The following NME9 variants were observed in gnomAD, a reference collection of about 807,000 sequenced individuals.
NME9 encodes thioredoxin domain-containing protein 6.
A neutral mutation model predicts 44.4 loss-of-function variants in NME9; 48 were observed. The ratio of observed to expected loss-of-function variants is 1.08; its 90% CI spans 0.86 to 1.37. The LOEUF (loss-of-function observed/expected upper bound fraction) is 1.37. Among genes scored for constraint, NME9 ranks in the 40% most tolerant of loss-of-function variants. The pLI, the probability that NME9 is intolerant of heterozygous loss-of-function variation, is 0.00. For synonymous variants in NME9, 139 were observed against 147.1 expected (o/e 0.94, Z 0.40); for missense variants, 325 against 405.2 (o/e 0.80, Z 1.70).
Position 138,315,622 on chromosome 3 carries a change from C to G in NME9, c.289G>C (p.Val97Leu), listed in dbSNP as rs2053020154. ...FYAGGELVAV[V>L]RGANAPLLQK... Reference sequence around the variant, plus strand: ...AGCAGTGGGGCATTTGCTCCTCTAACCACAGCCACCAGTTCTCCTCCCTAG... The same window carrying G: ...AGCAGTGGGGCATTTGCTCCTCTAAGCACAGCCACCAGTTCTCCTCCCTAG... Residue 97 changes from valine (V) to leucine (L), a missense_variant, in exon 5 of 11, where the codon GTT becomes CTT. Val to Leu is a conservative substitution (Grantham distance 32). Coordinates refer to ENST00000333911, the MANE Select transcript of NME9 (RefSeq NM_001349018.2). 1 of 1,536,472 alleles carries G rather than the reference C, an allele frequency of 6.5e-7. No individual in the cohort carries two copies. The highest frequency in any genetic ancestry group is 8.7e-7 in the Non-Finnish European group (1 of 1,146,788).
intron 6 of NME9, among the ~76,000 whole-genome samples, chr3:138,309,457 A>G (rs963559025): frequency 6.6e-6 from 1 of 151,788 alleles, no homozygotes; most frequent in African/African-American, 2.4e-5. Context: ...GGCCAAGGCA[A>G]GTGGATCACT....
At chr3:138,296,075 A>G, downstream of NME9, 1 of 524,716 alleles carries the variant, frequency 1.9e-6, no homozygotes, top group Non-Finnish European at 3.3e-6. Flanking sequence ...TGAGGTAGTA[A>G]TTTCCTCAGA....
intron 8 of NME9, among the ~76,000 whole-genome samples, chr3:138,275,574 C>A (rs1205831725): frequency 6.6e-6 from 1 of 151,740 alleles, no homozygotes; most frequent in African/African-American, 2.4e-5. Context: ...AAAAAAAATT[C>A]ATTAAGCTGT....
chr3:138,281,710 G>A (rs2049945780), intron 8 of NME9, among the ~76,000 whole-genome samples: 1 of 152,120 alleles, frequency 6.6e-6, no homozygotes, highest in Non-Finnish European at 1.5e-5. Flanking sequence ...GGGGATGCAT[G>A]GGCGTATTCT....
Position 138,286,717 on chromosome 3 carries a change from G to A in NME9, c.745+16790C>T, listed in dbSNP as rs545268059. ...TTTAAGATCACTGGGTGGTTCTTACGTACAGACAGAGTTGAGAACCATTGC... is the reference window on the plus strand; with the variant it reads ...TTTAAGATCACTGGGTGGTTCTTACATACAGACAGAGTTGAGAACCATTGC... On this transcript the variant is annotated intron_variant, in intron 8 of 8. Transcript: ENST00000317876. Among the ~76,000 whole-genome samples, 7 of 152,076 alleles carry A rather than the reference G, an allele frequency of 4.6e-5. No homozygotes were observed. In the East Asian group the frequency reaches 1.4e-3, roughly 29 times the overall value.
intron 8 of NME9, chr3:138,289,163 G>A (rs749731803): frequency 5.3e-6 from 8 of 1,506,486 alleles, no homozygotes; most frequent in African/African-American, 1.4e-5. Flanking sequence ...ATTATGGGAA[G>A]AGTGTCTTGC....
Position 138,315,604 on chromosome 3 carries a change from G to C in NME9, c.307C>G (p.Pro103Ala). The C allele has an allele frequency of 2.0e-6, 3 of 1,536,596 alleles. No homozygotes were observed. The highest frequency in any genetic ancestry group is 2.6e-6 in the Non-Finnish European group (3 of 1,147,010). ...TCTAGGATGGTTTTCTGCAGCAGTG[G>C]GGCATTTGCTCCTCTAACCACAGCC... ...LVAVVRGANAPLLQKTILDQL... is the reference protein window; with the variant it reads ...LVAVVRGANAALLQKTILDQL... Residue 103 changes from proline (P) to alanine (A), a missense_variant, in exon 5 of 11, where the codon CCA becomes GCA. Physicochemically the swap from Pro to Ala is conservative, Grantham distance 27. Transcript: ENST00000333911.
intron 2 of NME9, among the ~76,000 whole-genome samples, chr3:138,323,789 A>G (rs2053608861): frequency 6.6e-6 from 1 of 152,184 alleles, no homozygotes; most frequent in African/African-American, 2.4e-5. Context: ...AAAATTGAGC[A>G]GGCACACAGA....
intron 8 of NME9, chr3:138,287,954 C>A: frequency 1.0e-5 from 2 of 194,742 alleles, no homozygotes; most frequent in Non-Finnish European, 2.2e-5. Context: ...TCCAAAGCAA[C>A]CAGAAATGGT....
At chr3:138,288,704 C>T (rs983011299) in intron 8 of NME9, among the ~76,000 whole-genome samples, 1 of 144,858 alleles carries the variant, frequency 6.9e-6, no homozygotes, top group Non-Finnish European at 1.5e-5. Context: ...ATGGCACGAT[C>T]TCAGCTCACT....
At position 138,290,704 on chromosome 3, in the gene NME9, A is replaced by G. The variant is rs533668866; in HGVS notation, c.745+12803T>C. On this transcript the variant is annotated intron_variant, in intron 8 of 8. Transcript: ENST00000317876. ...TGGATTCTTTCGTGAAAGGGTTTGA[A>G]TTGCTTGGTAATTAATGGCCATACT... The G allele has an allele frequency of 1.3e-5, 14 of 1,079,868 alleles. No homozygotes were observed. In the Admixed American group the frequency reaches 1.9e-4, roughly 14 times the overall value. The allele number at this position is 1,079,868 out of a possible 1,614,324, so 66.9% of individuals were successfully genotyped here.
chr3:138,265,657 T>G (rs2048206262), intron 8 of NME9, among the ~76,000 whole-genome samples: 1 of 152,152 alleles, frequency 6.6e-6, no homozygotes, highest in Non-Finnish European at 1.5e-5. Context: ...GGGAGCAGAA[T>G]AGCATGAGGA....
rs555971878 is a variant in NME9, at chr3:138,323,193, A to C, written c.91+1680T>G. 3.3e-5 allele frequency among the ~76,000 whole-genome samples: 5 copies of C among 152,308 alleles called. No homozygotes were observed. In the South Asian group the frequency reaches 1.0e-3, roughly 32 times the overall value. On this transcript the variant is annotated intron_variant, in intron 2 of 10. Transcript: ENST00000333911. The stretch of plus-strand genomic sequence containing the variant: ...CACTTTGGGAGGCCCGGGTGGGCGG[A>C]TCATTTGAGGTCAGGAGTTTGAGAT...
chr3:138,301,150 C>A lies in NME9; in HGVS notation c.*490G>T. ...AAAGACAGAGAAAAAAAACTGCGTT[C>A]TACATACTGTTTAATAAGGCAGAAA... On this transcript the variant is annotated 3_prime_UTR_variant, in exon 11 of 11. Transcript: ENST00000333911. 1 of 953,828 alleles carries A rather than the reference C, an allele frequency of 1.0e-6. No individual in the cohort carries two copies. Among genetic ancestry groups the A allele is most frequent in the Non-Finnish European group, 1.2e-6 (1 of 801,432 alleles). 59.1% of individuals were successfully genotyped at this position (953,828 alleles called of 1,614,324 possible).
chr3:138,298,673 C>A (rs1471671354), downstream of NME9, among the ~76,000 whole-genome samples: 1 of 152,186 alleles, frequency 6.6e-6, no homozygotes, highest in South Asian at 2.1e-4. Context: ...CCCCTCCATC[C>A]TCTTCTCCTT....
intron 8 of NME9, chr3:138,287,507 G>T: frequency 2.9e-6 from 1 of 348,760 alleles, no homozygotes. Flanking sequence ...AATATTGAAT[G>T]ATGAATAAAC....
At chr3:138,266,935 C>T (rs1434908181) in intron 8 of NME9, among the ~76,000 whole-genome samples, 2 of 152,162 alleles carry the variant, frequency 1.3e-5, no homozygotes, top group East Asian at 3.8e-4. Flanking sequence ...AGTGAGGCTG[C>T]AGCTTCTCCA....
intron 8 of NME9, among the ~76,000 whole-genome samples, chr3:138,279,642 G>C (rs879292873): frequency 6.6e-6 from 1 of 152,148 alleles, no homozygotes; most frequent in Admixed American, 6.5e-5. Context: ...TTGATGGAAT[G>C]CTACCAGTTG....
At position 138,306,052 on chromosome 3, in the gene NME9, G is replaced by A. The variant is rs756045145; in HGVS notation, c.588C>T (p.Thr196=). 1 of 1,613,476 alleles carries A rather than the reference G, an allele frequency of 6.2e-7. No homozygotes were observed. Among genetic ancestry groups the A allele is most frequent in the African/African-American group, 1.3e-5 (1 of 74,886 alleles). Residue 196 remains threonine, a synonymous_variant, in exon 8 of 11, where the codon ACC becomes ACT. Transcript: ENST00000333911. ...AAAGTCGCACTTCTGCCTCTGTCAT[G>A]GTTCTCTCTTCATTTGTTAGAATTT... ...GFEILTNEER[T]MTEAEVRLFY...
Sources: gnomAD v4.1 joint callset for allele counts (sites outside exome capture counted in the v4.1 genomes callset) on GRCh38, gnomAD v4.1.1 for gene constraint, MANE v1.5 for transcripts, NCBI Gene and HGNC (gene_info 2026-07-23, HGNC 2026-07-21) for gene names.